The following FGF14 variants were observed in gnomAD, a reference collection of about 807,000 sequenced individuals.
FGF14 encodes the protein fibroblast growth factor 14.
A neutral mutation model predicts 25.5 loss-of-function variants in FGF14; 5 were observed. The ratio of observed to expected loss-of-function variants is 0.20; its 90% CI spans 0.10 to 0.41. The LOEUF is 0.41. FGF14 is among the 10% of genes least tolerant of loss of function. FGF14 has a pLI of 1.00. For missense variants in FGF14, 222 were observed against 320.1 expected (o/e 0.69, Z 2.34); for synonymous variants, 138 against 118.3 (o/e 1.17, Z -1.08).
intron 1 of FGF14, among the ~76,000 whole-genome samples, chr13:102,059,390 T>G (rs1038114030): frequency 6.6e-6 from 1 of 152,214 alleles, no homozygotes; most frequent in African/African-American, 2.4e-5. Flanking sequence ...GCAAGGTATG[T>G]GTCTCTAAAA....
intron 1 of FGF14, among the ~76,000 whole-genome samples, chr13:102,071,608 T>C (rs2043156540): frequency 6.6e-6 from 1 of 152,222 alleles, no homozygotes; most frequent in African/African-American, 2.4e-5. Flanking sequence ...TCCATTTGTA[T>C]GAGCAGTTTT....
rs2034877914 is a variant in FGF14 at position 101,720,142 on chromosome 13, C to CTCTT, written c.*2685_*2688dup. ...ACAAACTACAATGCAGACAGACAAA[C>CTCTT]TCTTTGTATGCAAATTAGCAATACA... On this transcript the variant is annotated 3_prime_UTR_variant, in exon 5 of 5. Transcript: ENST00000376143. The CTCTT allele has an allele frequency of 6.6e-6, 1 of 151,922 alleles. No homozygotes were observed. Among genetic ancestry groups the CTCTT allele is most frequent in the Non-Finnish European group, 1.5e-5 (1 of 67,948 alleles). 9.4% of individuals were successfully genotyped at this position (151,922 alleles called of 1,614,324 possible). A position where few individuals can be genotyped will look rare whatever the true frequency, so the allele number is the denominator to read the frequency against.
At chr13:102,386,576 A>C (rs2058308959) in intron 1 of FGF14, among the ~76,000 whole-genome samples, 1 of 152,242 alleles carries the variant, frequency 6.6e-6, no homozygotes, top group East Asian at 1.9e-4. Context: ...AGATACGCTG[A>C]CATAATGCCT....
intron 1 of FGF14, among the ~76,000 whole-genome samples, chr13:102,314,987 A>G (rs1449969281): frequency 6.7e-6 from 1 of 149,522 alleles, no homozygotes; most frequent in East Asian, 1.9e-4. Flanking sequence ...TATAAATAAC[A>G]TATTAATGTA....
intron 3 of FGF14, among the ~76,000 whole-genome samples, chr13:101,827,433 A>C (rs989666861): frequency 6.6e-6 from 1 of 151,940 alleles, no homozygotes; most frequent in Non-Finnish European, 1.5e-5. Context: ...GTGAGTTTTT[A>C]TATTTGTATT....
chr13:101,922,713 A>T (rs11618481), intron 1 of FGF14, among the ~76,000 whole-genome samples: 7,947 of 152,124 alleles, frequency 0.052, 261 homozygotes, highest in Non-Finnish European at 0.076. Flanking sequence ...ATTGATTATT[A>T]AATTTTTTCC....
Position 102,034,401 on chromosome 13 carries a change from C to G in FGF14, c.209-159105G>C, listed in dbSNP as rs149862228. 8.6e-4 allele frequency among the ~76,000 whole-genome samples: 131 copies of G among 152,314 alleles called. 1 individual carries two copies. The highest frequency in any genetic ancestry group is 3.4e-3 in the Middle Eastern group (1 of 294). On this transcript the variant is annotated intron_variant, in intron 1 of 4. Coordinates refer to the FGF14 transcript ENST00000376131. ...ATAAATAGATGACTTCTTCATGATACTGGCTGTTTAGGCCAACAGAGAGGA... is the reference window on the plus strand; with the variant it reads ...ATAAATAGATGACTTCTTCATGATAGTGGCTGTTTAGGCCAACAGAGAGGA...
At chr13:102,084,636 T>C (rs1295052791) in intron 1 of FGF14, among the ~76,000 whole-genome samples, 2 of 150,890 alleles carry the variant, frequency 1.3e-5, no homozygotes, top group Non-Finnish European at 2.9e-5. Flanking sequence ...ATACAAATTA[T>C]ACATTGTCAA....
intron 1 of FGF14, among the ~76,000 whole-genome samples, chr13:101,950,266 C>T (rs1161569069): frequency 6.6e-6 from 1 of 152,178 alleles, no homozygotes; most frequent in Non-Finnish European, 1.5e-5. Context: ...AACTAAGCTA[C>T]TAGTAGTTGG....
intron 3 of FGF14, among the ~76,000 whole-genome samples, chr13:101,850,134 ATAATAT>A (rs2043675639): frequency 2.0e-5 from 3 of 151,644 alleles, no homozygotes; most frequent in Admixed American, 2.0e-4. Context: ...TCAAGTGGAT[ATAATAT>A]TTAAGTGTTC....
At chr13:101,982,640 G>A (rs902880764) in intron 1 of FGF14, among the ~76,000 whole-genome samples, 6 of 152,172 alleles carry the variant, frequency 3.9e-5, no homozygotes, top group African/African-American at 1.4e-4. Flanking sequence ...AGCTAGGCAT[G>A]CTAGGCCTCA....
intron 1 of FGF14, among the ~76,000 whole-genome samples, chr13:102,069,708 G>A (rs949298367): frequency 1.3e-5 from 2 of 152,122 alleles, no homozygotes; most frequent in East Asian, 1.9e-4. Flanking sequence ...AAGAAACTCC[G>A]AACACATCTG....
At chr13:102,353,844 G>A (rs1267685047) in intron 1 of FGF14, among the ~76,000 whole-genome samples, 1 of 152,098 alleles carries the variant, frequency 6.6e-6, no homozygotes, top group African/African-American at 2.4e-5. Context: ...TCAACCATCA[G>A]GCTCTTCTAA....
chr13:102,334,743 T>A (rs2056741532), intron 1 of FGF14, among the ~76,000 whole-genome samples: 1 of 152,186 alleles, frequency 6.6e-6, no homozygotes, highest in Non-Finnish European at 1.5e-5. Flanking sequence ...ATGTTTTGAA[T>A]TTTTGCTTTT....
intron 1 of FGF14, among the ~76,000 whole-genome samples, chr13:102,068,890 C>T (rs2043027677): frequency 6.6e-6 from 1 of 152,092 alleles, no homozygotes; most frequent in African/African-American, 2.4e-5. Flanking sequence ...GGCAGCTCCA[C>T]CTGCAGCCCC....
intron 3 of FGF14, among the ~76,000 whole-genome samples, chr13:101,813,765 T>C (rs765420445): frequency 6.6e-6 from 1 of 152,212 alleles, no homozygotes; most frequent in Non-Finnish European, 1.5e-5. Flanking sequence ...GTATTTGAAT[T>C]GCATTACCTC....
chr13:102,281,105 T>C (rs2053811472), intron 1 of FGF14, among the ~76,000 whole-genome samples: 1 of 152,216 alleles, frequency 6.6e-6, no homozygotes, highest in Non-Finnish European at 1.5e-5. Context: ...GTAGTAATAT[T>C]TTCACAAGGC....
chr13:102,313,862 A>C (rs2055891414), intron 1 of FGF14, among the ~76,000 whole-genome samples: 1 of 152,174 alleles, frequency 6.6e-6, no homozygotes, highest in Admixed American at 6.5e-5. Flanking sequence ...TCCTCCACAA[A>C]GTAGTACTAG....
chr13:102,183,091 G>A (rs949006360), intron 1 of FGF14, among the ~76,000 whole-genome samples: 6 of 152,180 alleles, frequency 3.9e-5, no homozygotes, highest in South Asian at 2.1e-4. Context: ...CTGCAGGCAG[G>A]TAGCTTCATA....
Sources: gnomAD v4.1 joint callset for allele counts (sites outside exome capture counted in the v4.1 genomes callset) on GRCh38, gnomAD v4.1.1 for gene constraint, MANE v1.5 for transcripts, NCBI Gene and HGNC (gene_info 2026-07-23, HGNC 2026-07-21) for gene names.